The following ZNF705G variants were observed in gnomAD, a reference collection of about 807,000 sequenced individuals.
The protein encoded by ZNF705G is zinc finger protein 705G.
ZNF705G carries 23 observed loss-of-function variants against 19.6 expected under a neutral mutation model. The observed-to-expected ratio is 1.17, with a 90% CI of 0.84 to 1.66. The LOEUF is 1.66. ZNF705G is among the 40% of genes most tolerant of loss of function. ZNF705G has a pLI of 0.00. For missense variants in ZNF705G, 457 were observed against 354.4 expected (o/e 1.29, Z -2.32); for synonymous variants, 146 against 117.7 (o/e 1.24, Z -1.56).
At chr8:7,367,574 C>T (rs9720735) in intron 2 of ZNF705G, among the ~76,000 whole-genome samples, 54,688 of 146,748 alleles carry the variant, frequency 0.37, 5,409 homozygotes, top group African/African-American at 0.5. Context: ...CTGTGCATGC[C>T]GGAAACTCTC....
Position 7,358,389 on chromosome 8 carries a change from G to A in ZNF705G, c.490C>T (p.Gln164Ter). The change falls in exon 7 of 7, where the codon CAA becomes TAA. Residue 164 changes from glutamine to a stop codon, truncating the protein, a stop_gained. Coordinates refer to ENST00000400156, the MANE Select transcript of ZNF705G (RefSeq NM_001164457.3). LOFTEE classifies it high-confidence loss of function. Reference protein sequence around the residue: ...RNLLSTEPHKQIHTKGKSYQC... With the variant: ...RNLLSTEPHK ...TATGATTTACCTTTAGTATGAATTT[G>A]TTTATGTGGTTCAGTGGACAAAAGA... 1 of 1,607,604 alleles carries A rather than the reference G, an allele frequency of 6.2e-7. No individual in the cohort carries two copies. The highest frequency in any genetic ancestry group is 8.5e-7 in the Non-Finnish European group (1 of 1,179,592).
intron 2 of ZNF705G, among the ~76,000 whole-genome samples, chr8:7,379,475 A>C (rs1315361368): frequency 6.8e-6 from 1 of 146,308 alleles, no homozygotes; most frequent in East Asian, 1.9e-4. Context: ...GGTACCAGGC[A>C]CTGTGTCCTC....
intron 2 of ZNF705G, among the ~76,000 whole-genome samples, chr8:7,380,533 C>G (rs73661357): frequency 0.036 from 5,286 of 147,084 alleles, 947 homozygotes; most frequent in African/African-American, 0.13. Flanking sequence ...ACAGCTGTCA[C>G]CAGTGCCCAC....
At position 7,370,380 on chromosome 8, in the gene ZNF705G, A is replaced by T. The variant is rs376109780; in HGVS notation, c.-71-7363T>A. Among the ~76,000 whole-genome samples, 2 of 149,622 alleles carry T rather than the reference A, an allele frequency of 1.3e-5. 1 individual carries two copies. The highest frequency in any genetic ancestry group is 5.1e-5 in the African/African-American group (2 of 39,034). On this transcript the variant is annotated intron_variant, in intron 2 of 6. Coordinates refer to ENST00000400156, the MANE Select transcript of ZNF705G (RefSeq NM_001164457.3). ...CTTACCATCTCTAATCATCAGGGGG[A>T]TGTAAATAAAAACCACCATGAAATA...
intron 2 of ZNF705G, among the ~76,000 whole-genome samples, chr8:7,368,278 T>G (rs1806950871): frequency 6.7e-6 from 1 of 149,426 alleles, no homozygotes; most frequent in Non-Finnish European, 1.5e-5. Context: ...AAGGCTATTT[T>G]GAAGGAAAAA....
At chr8:7,380,305 C>T (rs1807430929) in intron 2 of ZNF705G, among the ~76,000 whole-genome samples, 1 of 146,880 alleles carries the variant, frequency 6.8e-6, no homozygotes, top group Non-Finnish European at 1.5e-5. Flanking sequence ...ACTACCACTA[C>T]CCAAGGTCGT....
intron 2 of ZNF705G, among the ~76,000 whole-genome samples, chr8:7,364,493 A>C (rs1287956783): frequency 1.3e-5 from 2 of 149,672 alleles, no homozygotes; most frequent in Non-Finnish European, 2.9e-5. Flanking sequence ...AATGATCAAC[A>C]GAGTTTGAAA....
chr8:7,367,601 C>T (rs1336912760), intron 2 of ZNF705G, among the ~76,000 whole-genome samples: 20 of 149,718 alleles, frequency 1.3e-4, no homozygotes, highest in Admixed American at 7.2e-4. Context: ...GGACGAATCA[C>T]GGGAAAGAGG....
intron 2 of ZNF705G, among the ~76,000 whole-genome samples, chr8:7,366,908 A>T (rs1198901287): frequency 6.7e-6 from 1 of 149,674 alleles, no homozygotes; most frequent in Non-Finnish European, 1.5e-5. Context: ...GTAGTTACAG[A>T]ATTTCTAGAT....
Position 7,368,466 on chromosome 8 carries a change from A to G in ZNF705G, c.-71-5449T>C, listed in dbSNP as rs1272606167. On this transcript the variant is annotated intron_variant, in intron 2 of 6. Transcript: ENST00000400156. ...ACTTGAAAACAAATGGAAGGCGAATAGATATAAAAAGTTTCAATGTTCATG... is the reference window on the plus strand; with the variant it reads ...ACTTGAAAACAAATGGAAGGCGAATGGATATAAAAAGTTTCAATGTTCATG... Among the ~76,000 whole-genome samples the G allele has an allele frequency of 1.3e-5, 2 of 149,516 alleles. 1 individual carries two copies. The highest frequency in any genetic ancestry group is 5.1e-5 in the African/African-American group (2 of 38,910).
rs551246374 is a variant in ZNF705G at position 7,381,158 on chromosome 8, G to T, written c.-72+294C>A. On this transcript the variant is annotated intron_variant, in intron 2 of 6. Transcript: ENST00000400156. ...CCATTGCTTTGATTCACATGGAAAT[G>T]GTTTGTAAGCTGTGATGCCTACTAT... Among the ~76,000 whole-genome samples, 10 of 121,832 alleles carry T rather than the reference G, an allele frequency of 8.2e-5. No homozygotes were observed. The East Asian group carries it at 1.1e-3, about 13-fold the overall frequency. The allele number at this position is 121,832 out of a possible 152,430, so 79.9% of individuals were successfully genotyped here.
rs1806375280 is a variant in ZNF705G at position 7,358,197 on chromosome 8, A to G, written c.682T>C (p.Tyr228His). Reference sequence around the variant, plus strand: ...ACTTTCCCATATTGATGACACTTATATGGTCTCTGTCCCGTGTGAGTTTTC... The same window carrying G: ...ACTTTCCCATATTGATGACACTTATGTGGTCTCTGTCCCGTGTGAGTTTTC... ...HEKTHTGQRP[Y>H]KCHQYGKVFI... is the part of the protein sequence containing the mutation. The change falls in exon 7 of 7, where the codon TAT becomes CAT. Residue 228 changes from tyrosine (Y) to histidine (H), a missense_variant. By Grantham distance (83) the Tyr-to-His change is moderately conservative (BLOSUM62 2). Transcript: ENST00000400156. 6.2e-7 allele frequency: 1 copy of G among 1,607,432 alleles called. No homozygotes were observed. Among genetic ancestry groups the G allele is most frequent in the African/African-American group, 1.4e-5 (1 of 71,106 alleles).
intron 1 of ZNF705G, among the ~76,000 whole-genome samples, chr8:7,381,918 T>C (rs1807514224): frequency 6.6e-6 from 1 of 151,970 alleles, no homozygotes; most frequent in Non-Finnish European, 1.5e-5. Flanking sequence ...TGAACATACA[T>C]AGAGTAAATG....
chr8:7,359,458 T>C (rs1442738794), intron 6 of ZNF705G, among the ~76,000 whole-genome samples, 161 bp downstream of exon 6: 4 of 148,238 alleles, frequency 2.7e-5, no homozygotes, highest in Non-Finnish European at 5.9e-5. Flanking sequence ...AGAACACAGG[T>C]CAATGTATTC....
intron 2 of ZNF705G, among the ~76,000 whole-genome samples, chr8:7,379,013 CT>C (rs1807367058): frequency 6.7e-6 from 1 of 150,194 alleles, no homozygotes; most frequent in Non-Finnish European, 1.5e-5. Flanking sequence ...TTAGACACAA[CT>C]TTAGTGGCTT....
chr8:7,356,627 T>A lies in ZNF705G; in HGVS notation c.*1349A>T, dbSNP rs554187010. 1 of 149,552 alleles carries A rather than the reference T, an allele frequency of 6.7e-6. No homozygotes were observed. The highest frequency in any genetic ancestry group is 1.5e-5 in the Non-Finnish European group (1 of 68,000). The allele number at this position is 149,552 out of a possible 1,614,324, so 9.3% of individuals were successfully genotyped here. A position where few individuals can be genotyped will look rare whatever the true frequency, so the allele number is the denominator to read the frequency against. Reference sequence around the variant, plus strand: ...GTTGGATGGAAACAAGTGGTTTTAGTGGACGTTGAAGTAAAGGGAGGTGAG... The same window carrying A: ...GTTGGATGGAAACAAGTGGTTTTAGAGGACGTTGAAGTAAAGGGAGGTGAG... On this transcript the variant is annotated 3_prime_UTR_variant, in exon 7 of 7. Coordinates refer to ENST00000400156, the MANE Select transcript of ZNF705G (RefSeq NM_001164457.3).
chr8:7,361,326 G>A, intron 3 of ZNF705G, 90 bp from the exon 4 acceptor site: 2 of 1,588,030 alleles, frequency 1.3e-6, no homozygotes, highest in Non-Finnish European at 1.7e-6. Flanking sequence ...TAGCAGCTGG[G>A]TATGCAGAAT....
intron 2 of ZNF705G, among the ~76,000 whole-genome samples, chr8:7,368,135 A>G (rs1331704367): frequency 6.7e-6 from 1 of 149,512 alleles, no homozygotes. Flanking sequence ...CTACATTCCA[A>G]GAGACATGCC....
chr8:7,364,047 A>G (rs577645149), intron 2 of ZNF705G, among the ~76,000 whole-genome samples: 1 of 149,630 alleles, frequency 6.7e-6, no homozygotes, highest in East Asian at 1.9e-4. Context: ...TAGCAGCTCA[A>G]TCTGATATTT....
Sources: gnomAD v4.1 joint callset for allele counts (sites outside exome capture counted in the v4.1 genomes callset) on GRCh38, gnomAD v4.1.1 for gene constraint, MANE v1.5 for transcripts, NCBI Gene and HGNC (gene_info 2026-07-23, HGNC 2026-07-21) for gene names.